Variants in SGCZ observed in about 807,000 individuals in gnomAD.
The protein encoded by SGCZ is sarcoglycan zeta, also known as zeta-sarcoglycan.
In SGCZ, 40 loss-of-function variants were observed where a neutral mutation model predicts 41.3. The observed-to-expected ratio is 0.97, with a 90% CI of 0.75 to 1.26. SGCZ has a LOEUF of 1.26. Among genes scored for constraint, SGCZ ranks in the 50% most tolerant of loss-of-function variants. The probability of loss-of-function intolerance (pLI) is 0.00; values close to 1 mark genes in which losing one functional copy is unlikely to be tolerated. For synonymous variants in SGCZ, 206 were observed against 137.5 expected, an observed-to-expected ratio of 1.50 and a Z score of -3.49; for missense variants, 552 against 369.8, an observed-to-expected ratio of 1.49 and a Z score of -4.04.
chr8:14,579,129 A>C (rs896091673), intron 1 of SGCZ, among the ~76,000 whole-genome samples: 1 of 152,182 alleles, frequency 6.6e-6, no homozygotes, highest in African/African-American at 2.4e-5. Flanking sequence ...AAGAGAAAAT[A>C]AAGTATTGAG....
At chr8:15,125,618 A>G (rs760185845) in intron 1 of SGCZ, among the ~76,000 whole-genome samples, 2 of 152,168 alleles carry the variant, frequency 1.3e-5, no homozygotes, top group South Asian at 2.1e-4. Flanking sequence ...ATATACCCCA[A>G]TATACTCTGG....
chr8:15,116,665 T>C (rs998692788), intron 1 of SGCZ, among the ~76,000 whole-genome samples: 21 of 152,122 alleles, frequency 1.4e-4, no homozygotes, highest in Admixed American at 3.9e-4. Flanking sequence ...ATAGGAAAAG[T>C]GAAAGATAAT....
intron 3 of SGCZ, among the ~76,000 whole-genome samples, chr8:14,257,503 T>C (rs1432208712): frequency 6.6e-6 from 1 of 152,106 alleles, no homozygotes; most frequent in Non-Finnish European, 1.5e-5. Context: ...TTTTTTATAC[T>C]TTTAGTTCTA....
chr8:14,357,644 T>C (rs1803344703), intron 2 of SGCZ, among the ~76,000 whole-genome samples: 1 of 152,174 alleles, frequency 6.6e-6, no homozygotes, highest in African/African-American at 2.4e-5. Flanking sequence ...ATAAAAGTGA[T>C]AAAATGTCAA....
intron 1 of SGCZ, among the ~76,000 whole-genome samples, chr8:14,927,837 T>C (rs1352361534): frequency 6.6e-6 from 1 of 152,104 alleles, no homozygotes; most frequent in Non-Finnish European, 1.5e-5. Context: ...CAATAATTAA[T>C]ACATATAGTA....
At chr8:14,662,218 A>G (rs1344426551) in intron 1 of SGCZ, among the ~76,000 whole-genome samples, 2 of 152,100 alleles carry the variant, frequency 1.3e-5, no homozygotes, top group Admixed American at 6.6e-5. Flanking sequence ...TTGCTTATCT[A>G]TATTCTACCT....
intron 1 of SGCZ, among the ~76,000 whole-genome samples, chr8:14,648,874 G>A (rs1807308805): frequency 6.6e-6 from 1 of 152,026 alleles, no homozygotes; most frequent in Non-Finnish European, 1.5e-5. Context: ...GTGTTTTACT[G>A]CTGGCATATA....
intron 1 of SGCZ, among the ~76,000 whole-genome samples, chr8:15,008,789 G>C (rs1288505253): frequency 2.6e-5 from 2 of 76,890 alleles, no homozygotes; most frequent in Non-Finnish European, 5.2e-5. Context: ...AGGAGGGAGG[G>C]ACGGAGGGAG....
chr8:14,344,208 G>A (rs1019362295), intron 2 of SGCZ, among the ~76,000 whole-genome samples: 6 of 152,020 alleles, frequency 3.9e-5, no homozygotes, highest in Admixed American at 6.6e-5. Context: ...CAGAGGAATA[G>A]AGGAGACCAG....
chr8:15,182,344 G>GCAT (rs1269919994), intron 1 of SGCZ, among the ~76,000 whole-genome samples: 1 of 151,960 alleles, frequency 6.6e-6, no homozygotes, highest in East Asian at 1.9e-4. Context: ...TCCTGAAAAA[G>GCAT]CATCATTACC....
chr8:14,491,571 C>T (rs1013987176), intron 2 of SGCZ, among the ~76,000 whole-genome samples: 2 of 152,072 alleles, frequency 1.3e-5, no homozygotes, highest in African/African-American at 4.8e-5. Context: ...TTTTTTATAT[C>T]CTTTAATAGA....
At chr8:14,573,795 G>A (rs769547861) in intron 1 of SGCZ, among the ~76,000 whole-genome samples, 2 of 152,096 alleles carry the variant, frequency 1.3e-5, no homozygotes, top group Non-Finnish European at 2.9e-5. Context: ...ATCTTAGGAA[G>A]CTTATAGGAA....
intron 1 of SGCZ, among the ~76,000 whole-genome samples, chr8:15,101,823 G>A (rs922629565): frequency 5.3e-5 from 8 of 152,100 alleles, no homozygotes; most frequent in African/African-American, 1.2e-4. Flanking sequence ...CCAGCTACTC[G>A]CTGAAGCAGG....
chr8:14,740,002 T>TTTTGC (rs1320345830), intron 1 of SGCZ, among the ~76,000 whole-genome samples: 17 of 152,114 alleles, frequency 1.1e-4, no homozygotes, highest in African/African-American at 4.1e-4. Flanking sequence ...AGCACATCTA[T>TTTTGC]AGGCCTTATT....
At chr8:14,872,657 G>T (rs1009362888) in intron 1 of SGCZ, among the ~76,000 whole-genome samples, 2 of 152,026 alleles carry the variant, frequency 1.3e-5, no homozygotes, top group African/African-American at 2.4e-5. Context: ...ATAACCTAAA[G>T]GCACCATAGA....
chr8:14,190,363 A>G (rs536246960), intron 4 of SGCZ, among the ~76,000 whole-genome samples: 188 of 151,540 alleles, frequency 1.2e-3, no homozygotes, highest in Non-Finnish European at 1.3e-3. Context: ...GTATGTATGT[A>G]TGTATGTGTG....
chr8:14,912,653 T>C (rs1294034472), intron 1 of SGCZ, among the ~76,000 whole-genome samples: 1 of 152,054 alleles, frequency 6.6e-6, no homozygotes, highest in African/African-American at 2.4e-5. Context: ...AGCAAAACTC[T>C]GAAAGTCACC....
At chr8:14,742,718 C>T (rs553985001) in intron 1 of SGCZ, among the ~76,000 whole-genome samples, 17 of 152,136 alleles carry the variant, frequency 1.1e-4, no homozygotes, top group African/African-American at 4.1e-4. Flanking sequence ...GATACAAATA[C>T]TCCTGAGAAT....
At chr8:14,476,110 G>T (rs1345401695) in intron 2 of SGCZ, among the ~76,000 whole-genome samples, 1 of 152,086 alleles carries the variant, frequency 6.6e-6, no homozygotes, top group African/African-American at 2.4e-5. Flanking sequence ...TTATTCTTAT[G>T]AGTCAACTTG....
Sources: allele counts gnomAD v4.1 joint callset (sites outside exome capture counted in the v4.1 genomes callset), GRCh38; gene constraint gnomAD v4.1.1; transcripts MANE v1.5; gene names NCBI Gene and HGNC (gene_info 2026-07-23, HGNC 2026-07-21).